Variants in PRORP observed in about 807,000 individuals in gnomAD.
PRORP encodes the protein mitochondrial ribonuclease P catalytic subunit.
Under a neutral mutation model 59.4 loss-of-function variants are expected in PRORP, and 51 were observed. The observed-to-expected ratio is 0.86, with a 90% CI of 0.69 to 1.08. The LOEUF (loss-of-function observed/expected upper bound fraction) is 1.08, where lower values mean the gene tolerates loss of function less well. PRORP is among the 50% of genes least tolerant of loss of function. The probability of loss-of-function intolerance (pLI) is 0.00; values close to 1 mark genes in which losing one functional copy is unlikely to be tolerated. For synonymous variants in PRORP, 231 were observed against 245.6 expected (o/e 0.94, Z 0.55); for missense variants, 646 against 690.3 (o/e 0.94, Z 0.72).
intron 5 of PRORP, among the ~76,000 whole-genome samples, chr14:35,210,845 C>T (rs1171166402): frequency 7.4e-6 from 1 of 134,642 alleles, no homozygotes; most frequent in Admixed American, 8.6e-5. Context: ...CTCACTGCTG[C>T]CTTGATCTCC....
intron 4 of PRORP, among the ~76,000 whole-genome samples, chr14:35,171,526 ATTCCTT>A (rs1456568859): frequency 6.6e-6 from 1 of 152,052 alleles, no homozygotes; most frequent in Non-Finnish European, 1.5e-5. Flanking sequence ...TTGTATCATT[ATTCCTT>A]TTTATGTTAT....
chr14:35,148,534 A>T (rs1456703834), intron 4 of PRORP, among the ~76,000 whole-genome samples: 1 of 152,146 alleles, frequency 6.6e-6, no homozygotes, highest in Non-Finnish European at 1.5e-5. Context: ...GGCAGAGGAG[A>T]TTCAGCATAA....
chr14:35,147,050 A>G (rs2047629356), intron 4 of PRORP, among the ~76,000 whole-genome samples: 1 of 152,120 alleles, frequency 6.6e-6, no homozygotes, highest in Non-Finnish European at 1.5e-5. Flanking sequence ...ATGAGTTGTG[A>G]TTGTGCCACT....
chr14:35,155,167 A>T (rs2047881897), intron 4 of PRORP, among the ~76,000 whole-genome samples: 1 of 152,124 alleles, frequency 6.6e-6, no homozygotes, highest in Non-Finnish European at 1.5e-5. Context: ...TGCTGGGATT[A>T]CAGGCGTGAG....
chr14:35,172,993 G>A (rs1227751414), intron 4 of PRORP, among the ~76,000 whole-genome samples: 1 of 151,848 alleles, frequency 6.6e-6, no homozygotes, highest in Non-Finnish European at 1.5e-5. Context: ...TTAGCCTCCT[G>A]AGTAGCTGGG....
rs1180097417 is a variant in PRORP, at chr14:35,270,611, T to G, written c.1620+15T>G. The G allele has an allele frequency of 3.7e-6, 6 of 1,603,086 alleles. No individual in the cohort carries two copies. Among genetic ancestry groups the G allele is most frequent in the Non-Finnish European group, 4.3e-6 (5 of 1,170,266 alleles). On this transcript the variant is annotated intron_variant, in intron 7 of 7. Coordinates refer to ENST00000534898, the MANE Select transcript of PRORP (RefSeq NM_014672.4). ...TAACCTTTCAGGTAATGGTACCTGT[T>G]CTTTATGTAATATTAACAGAGTCAA...
At chr14:35,201,331 G>GGGA (rs1326493261) in intron 5 of PRORP, among the ~76,000 whole-genome samples, 1 of 152,156 alleles carries the variant, frequency 6.6e-6, no homozygotes, top group Non-Finnish European at 1.5e-5. Context: ...AAGAGCTGGC[G>GGGA]GGAGGAGTTA....
chr14:35,188,961 A>ATAAAGAAAG (rs59671236), intron 5 of PRORP, among the ~76,000 whole-genome samples: 1 of 132,776 alleles, frequency 7.5e-6, no homozygotes. Context: ...AAAAAAAAAA[A>ATAAAGAAAG]AAAGTATTGC....
intron 4 of PRORP, among the ~76,000 whole-genome samples, chr14:35,173,501 A>G (rs1157405593): frequency 6.6e-6 from 1 of 152,024 alleles, no homozygotes; most frequent in Non-Finnish European, 1.5e-5. Context: ...TTACCCAAGG[A>G]TTTGAGGAGA....
At chr14:35,208,411 C>T (rs2049351073) in intron 5 of PRORP, among the ~76,000 whole-genome samples, 6 of 151,966 alleles carry the variant, frequency 3.9e-5, no homozygotes, top group Admixed American at 3.9e-4. Context: ...TAGTGAAGCC[C>T]CATCTCTAAA....
chr14:35,216,491 T>A (rs1348855481), intron 5 of PRORP, among the ~76,000 whole-genome samples: 2 of 152,140 alleles, frequency 1.3e-5, no homozygotes, highest in Admixed American at 1.3e-4. Flanking sequence ...TTATTTTTAG[T>A]AGAGATGAGG....
At chr14:35,230,695 G>A (rs2050055645) in intron 5 of PRORP, among the ~76,000 whole-genome samples, 1 of 152,006 alleles carries the variant, frequency 6.6e-6, no homozygotes. Context: ...TGGAAGATAC[G>A]GTAAAAGCAC....
chr14:35,169,524 A>G (rs1182248907), intron 4 of PRORP, among the ~76,000 whole-genome samples: 1 of 152,156 alleles, frequency 6.6e-6, no homozygotes, highest in African/African-American at 2.4e-5. Context: ...TGATGGCAGA[A>G]GGGGAAGCAG....
At chr14:35,180,553 T>C in intron 4 of PRORP, 117 bp from the exon 5 acceptor site, 1 of 624,214 alleles carries the variant, frequency 1.6e-6, no homozygotes, top group Non-Finnish European at 2.8e-6. Context: ...TGTGTGTGTA[T>C]TTTTAAGGGA....
intron 2 of PRORP, chr14:35,124,495 T>G (rs1353766091): frequency 8.8e-6 from 2 of 226,618 alleles, no homozygotes; most frequent in African/African-American, 4.5e-5. Context: ...TGTTAGTTGC[T>G]GAGAATCACT....
At chr14:35,169,629 T>C (rs142256544) in intron 4 of PRORP, among the ~76,000 whole-genome samples, 1,766 of 152,270 alleles carry the variant, frequency 0.012, 39 homozygotes, top group African/African-American at 0.041. Flanking sequence ...ATTCACTCAC[T>C]ATCACGAGAA....
chr14:35,190,904 A>G (rs1318497284), intron 5 of PRORP, among the ~76,000 whole-genome samples: 1 of 152,172 alleles, frequency 6.6e-6, no homozygotes, highest in African/African-American at 2.4e-5. Flanking sequence ...CTGTTGCAAG[A>G]TATTTTAGAT....
chr14:35,235,152 C>T, intron 5 of PRORP: 1 of 581,210 alleles, frequency 1.7e-6, no homozygotes, highest in Non-Finnish European at 3.2e-6. Context: ...TTTTTATGTA[C>T]AGAAAACTCA....
intron 5 of PRORP, among the ~76,000 whole-genome samples, chr14:35,220,469 A>G (rs1188859549): frequency 6.6e-6 from 1 of 152,200 alleles, no homozygotes; most frequent in Non-Finnish European, 1.5e-5. Context: ...CCTCTCCACC[A>G]TTCTGACACG....
Sources: allele counts gnomAD v4.1 joint callset (sites outside exome capture counted in the v4.1 genomes callset), GRCh38; gene constraint gnomAD v4.1.1; transcripts MANE v1.5; gene names NCBI Gene and HGNC (gene_info 2026-07-23, HGNC 2026-07-21).